Variants in DCPH1 observed in about 807,000 individuals in gnomAD.
The protein encoded by DCPH1 is damage control phosphatase 1.
chr6:151,467,106 G>T, the DCPH1 span, among the ~76,000 whole-genome samples: 1 of 152,014 alleles, frequency 6.6e-6, no homozygotes, highest in Non-Finnish European at 1.5e-5. Flanking sequence ...CAAAAAATTA[G>T]CCAGGCGTGG....
the DCPH1 span, among the ~76,000 whole-genome samples, chr6:151,467,088 TAA>T: frequency 6.6e-6 from 1 of 151,830 alleles, no homozygotes; most frequent in African/African-American, 2.4e-5. Flanking sequence ...CCATCTCTAC[TAA>T]AAATACAAAA....
chr6:151,469,247 G>T, the DCPH1 span: 103 of 624,856 alleles, frequency 1.6e-4, no homozygotes, highest in Non-Finnish European at 2.1e-4. Context: ...GCCCATCTAC[G>T]TGCACTGGAT....
chr6:151,453,740 C>G, the DCPH1 span, among the ~76,000 whole-genome samples: 1 of 152,172 alleles, frequency 6.6e-6, no homozygotes, highest in Non-Finnish European at 1.5e-5. Flanking sequence ...ATTTCTCCAC[C>G]AAATAAAGCT....
the DCPH1 span, among the ~76,000 whole-genome samples, chr6:151,465,451 C>T: frequency 6.6e-6 from 1 of 152,034 alleles, no homozygotes; most frequent in Non-Finnish European, 1.5e-5. Flanking sequence ...AGGCCACAGA[C>T]CTGAAGGCAG....
chr6:151,462,268 CT>C, the DCPH1 span, among the ~76,000 whole-genome samples: 1 of 152,186 alleles, frequency 6.6e-6, no homozygotes, highest in Non-Finnish European at 1.5e-5. Context: ...CAAGAACATA[CT>C]TGTGTACCCA....
chr6:151,452,816 GGGGTCAGCTTCGC>G, the DCPH1 span: 1 of 493,834 alleles, frequency 2.0e-6, no homozygotes, highest in Non-Finnish European at 3.5e-6. Flanking sequence ...GATCAGGACA[GGGGTCAGCTTCGC>G]GGTCTGTTCC....
the DCPH1 span, chr6:151,468,512 C>G: frequency 6.2e-7 from 1 of 1,613,204 alleles, no homozygotes; most frequent in East Asian, 2.2e-5. Context: ...AGAGAAAAAG[C>G]TTCTGCTACT....
chr6:151,457,564 CT>C, the DCPH1 span, among the ~76,000 whole-genome samples: 10 of 152,042 alleles, frequency 6.6e-5, no homozygotes, highest in Admixed American at 1.3e-4. Flanking sequence ...AAGCTTCAAT[CT>C]TTTTTTCTAG....
chr6:151,461,574 G>A, the DCPH1 span, among the ~76,000 whole-genome samples: 15 of 152,184 alleles, frequency 9.9e-5, no homozygotes, highest in African/African-American at 2.9e-4. Context: ...AGGAGGCTGA[G>A]GCAGGAGAAT....
the DCPH1 span, among the ~76,000 whole-genome samples, chr6:151,456,027 A>G: frequency 6.6e-5 from 10 of 152,206 alleles, no homozygotes; most frequent in Admixed American, 5.2e-4. Context: ...TTGACACAGC[A>G]CATGTTTCAG....
At chr6:151,463,242 G>A in the DCPH1 span, among the ~76,000 whole-genome samples, 1 of 152,158 alleles carries the variant, frequency 6.6e-6, no homozygotes, top group African/African-American at 2.4e-5. Context: ...TTTCAGCGGT[G>A]CTGCCATTGC....
chr6:151,454,286 G>C, the DCPH1 span, among the ~76,000 whole-genome samples: 3 of 152,164 alleles, frequency 2.0e-5, no homozygotes, highest in African/African-American at 7.2e-5. Context: ...AAAAGCAATA[G>C]AATAGGAAAG....
the DCPH1 span, among the ~76,000 whole-genome samples, chr6:151,456,116 G>A: frequency 6.6e-6 from 1 of 152,166 alleles, no homozygotes; most frequent in Non-Finnish European, 1.5e-5. Context: ...AGAACAAAAT[G>A]GAGTCTCCTA....
chr6:151,452,651 A>G, the DCPH1 span: 2 of 1,512,564 alleles, frequency 1.3e-6, no homozygotes, highest in Non-Finnish European at 1.8e-6. Flanking sequence ...GCCTGTGGGG[A>G]CTAAGCGGAG....
the DCPH1 span, among the ~76,000 whole-genome samples, chr6:151,460,665 TC>T: frequency 1.3e-5 from 2 of 151,434 alleles, no homozygotes; most frequent in African/African-American, 4.9e-5. Flanking sequence ...GCACCTGTAG[TC>T]CCAGCTACTC....
At chr6:151,467,299 T>C in the DCPH1 span, among the ~76,000 whole-genome samples, 1 of 151,954 alleles carries the variant, frequency 6.6e-6, no homozygotes, top group African/African-American at 2.4e-5. Flanking sequence ...ATTCTCCTTA[T>C]TTTAAATCAC....
the DCPH1 span, chr6:151,452,543 G>C: frequency 6.2e-7 from 1 of 1,611,886 alleles, no homozygotes; most frequent in Non-Finnish European, 8.5e-7. Flanking sequence ...ATCGCGGAAA[G>C]TGATGGCTGT....
the DCPH1 span, among the ~76,000 whole-genome samples, chr6:151,466,965 G>C: frequency 5.3e-5 from 8 of 151,766 alleles, no homozygotes; most frequent in Non-Finnish European, 8.8e-5. Flanking sequence ...AAATAATACT[G>C]TTCGGCCGGG....
the DCPH1 span, among the ~76,000 whole-genome samples, chr6:151,463,329 T>A: frequency 5.9e-5 from 9 of 152,368 alleles, no homozygotes; most frequent in Non-Finnish European, 1.0e-4. Context: ...AGTCTTCCTG[T>A]ATTTTTACTC....
Sources: gnomAD v4.1 joint callset for allele counts (sites outside exome capture counted in the v4.1 genomes callset) on GRCh38, gnomAD v4.1.1 for gene constraint, MANE v1.5 for transcripts, NCBI Gene and HGNC (gene_info 2026-07-23, HGNC 2026-07-21) for gene names.